NAALADL2: variants seen among roughly 807,000 people sequenced by gnomAD.
NAALADL2 encodes N-acetylated alpha-linked acidic dipeptidase like 2.
Under a neutral mutation model 87.2 loss-of-function variants are expected in NAALADL2, and 76 were observed. The ratio of observed to expected loss-of-function variants is 0.87; its 90% CI spans 0.72 to 1.05. The LOEUF (loss-of-function observed/expected upper bound fraction) is 1.05. NAALADL2 is among the 50% of genes least tolerant of loss of function. The pLI is 0.00. For synonymous variants in NAALADL2, 354 were observed against 331.0 expected, an observed-to-expected ratio of 1.07 and a Z score of -0.75; for missense variants, 1,089 against 945.8, an observed-to-expected ratio of 1.15 and a Z score of -1.99.
At chr3:174,842,562 CATCT>C (rs1724146745) in intron 3 of NAALADL2, among the ~76,000 whole-genome samples, 1 of 152,124 alleles carries the variant, frequency 6.6e-6, no homozygotes, top group Non-Finnish European at 1.5e-5. Flanking sequence ...TAAAAGTATA[CATCT>C]ATGCACACTC....
chr3:175,639,423 C>A lies in NAALADL2; in HGVS notation c.1896+12037C>A, dbSNP rs552622969. Reference sequence around the variant, plus strand: ...GCAAGCTCCACCTCCCGGGTTCACACCATTCTCCTGCCTCAGTCTCCCGAG... The same window carrying A: ...GCAAGCTCCACCTCCCGGGTTCACAACATTCTCCTGCCTCAGTCTCCCGAG... On this transcript the variant is annotated intron_variant, in intron 11 of 13. Transcript: ENST00000454872. Among the ~76,000 whole-genome samples, 3 of 148,574 alleles carry A rather than the reference C, an allele frequency of 2.0e-5. No homozygotes were observed. In the East Asian group the frequency reaches 6.0e-4, roughly 30 times the overall value.
chr3:174,801,840 C>T (rs989482849), intron 3 of NAALADL2, among the ~76,000 whole-genome samples: 4 of 151,702 alleles, frequency 2.6e-5, no homozygotes, highest in Non-Finnish European at 5.9e-5. Flanking sequence ...TTTAATGAGT[C>T]TCTTATCATG....
chr3:175,265,644 A>G (rs1290156607), intron 4 of NAALADL2, among the ~76,000 whole-genome samples: 1 of 151,620 alleles, frequency 6.6e-6, no homozygotes, highest in Non-Finnish European at 1.5e-5. Context: ...TTGGAAGGAA[A>G]CATTATTGGA....
chr3:175,381,990 C>T (rs546502936), intron 5 of NAALADL2, among the ~76,000 whole-genome samples: 7 of 152,268 alleles, frequency 4.6e-5, no homozygotes, highest in East Asian at 3.9e-4. Flanking sequence ...CTCACTTTCC[C>T]TTCTCTGGGA....
At chr3:174,956,709 G>T (rs778545759) in intron 1 of NAALADL2, among the ~76,000 whole-genome samples, 2 of 151,988 alleles carry the variant, frequency 1.3e-5, no homozygotes, top group Non-Finnish European at 2.9e-5. Flanking sequence ...TCTGGAGAAG[G>T]GTGGAATGGG....
At chr3:175,358,046 T>G (rs1447923667) in intron 5 of NAALADL2, among the ~76,000 whole-genome samples, 1 of 152,172 alleles carries the variant, frequency 6.6e-6, no homozygotes, top group Non-Finnish European at 1.5e-5. Context: ...CTCTAAGAAC[T>G]GAAATGCATG....
intron 1 of NAALADL2, among the ~76,000 whole-genome samples, chr3:174,977,643 C>T (rs1744538933): frequency 6.6e-6 from 1 of 152,116 alleles, no homozygotes; most frequent in African/African-American, 2.4e-5. Flanking sequence ...AGGCCTGTTA[C>T]CTGCCCCAGC....
intron 2 of NAALADL2, among the ~76,000 whole-genome samples, chr3:174,587,164 T>C (rs1045710934): frequency 3.3e-5 from 5 of 152,086 alleles, no homozygotes; most frequent in African/African-American, 1.2e-4. Flanking sequence ...GACATGAACT[T>C]ATCCTTTTTT....
chr3:174,892,494 T>C (rs1235071038), intron 1 of NAALADL2, among the ~76,000 whole-genome samples: 1 of 151,664 alleles, frequency 6.6e-6, no homozygotes, highest in East Asian at 1.9e-4. Flanking sequence ...ATCTAGAAAA[T>C]AGCCTCAAAA....
rs191978320 is a variant in NAALADL2 at position 175,148,463 on chromosome 3, T to C, written c.545+51172T>C. Among the ~76,000 whole-genome samples, 522 of 152,286 alleles carry C rather than the reference T, an allele frequency of 3.4e-3. 1 individual carries two copies. Among genetic ancestry groups the C allele is most frequent in the Non-Finnish European group, 4.8e-3 (329 of 68,026 alleles). On this transcript the variant is annotated intron_variant, in intron 2 of 13. Transcript: ENST00000454872. ...AGTTTAATTAGGTCAATTTTCTCAA[T>C]TTTTGTTTTTGATGCAGTTACTTTG...
At chr3:175,774,691 C>T (rs1663042907) in intron 13 of NAALADL2, among the ~76,000 whole-genome samples, 1 of 151,982 alleles carries the variant, frequency 6.6e-6, no homozygotes, top group Non-Finnish European at 1.5e-5. Flanking sequence ...GTGGTAGCCA[C>T]TAGCAATGTG....
intron 11 of NAALADL2, among the ~76,000 whole-genome samples, chr3:175,682,635 T>C (rs2149887024): frequency 6.6e-6 from 1 of 152,158 alleles, no homozygotes; most frequent in South Asian, 2.1e-4. Context: ...AATTTAAAGG[T>C]GACATTTTTG....
In NAALADL2 at chr3:175,808,393, T is replaced by C. The variant is rs1383797337; in HGVS notation, c.*5190T>C. The C allele has an allele frequency of 6.6e-6, 1 of 151,964 alleles. No individual in the cohort carries two copies. The highest frequency in any genetic ancestry group is 2.4e-5 in the African/African-American group (1 of 41,412). The allele number at this position is 151,964 out of a possible 1,614,324, so 9.4% of individuals were successfully genotyped here. On this transcript the variant is annotated 3_prime_UTR_variant, in exon 14 of 14. Coordinates refer to ENST00000454872, the MANE Select transcript of NAALADL2 (RefSeq NM_207015.3). ...TTTTCTGTAACCAAAATGGTAATTT[T>C]GATGGATTTTTTAAATGCCAAAATC...
chr3:175,637,942 T>C (rs553248952), intron 11 of NAALADL2, among the ~76,000 whole-genome samples: 20 of 152,318 alleles, frequency 1.3e-4, no homozygotes, highest in Non-Finnish European at 2.8e-4. Flanking sequence ...AGTTGCCATA[T>C]GTCTCAGTTA....
chr3:174,503,148 T>C (rs1719002364), intron 1 of NAALADL2, among the ~76,000 whole-genome samples: 1 of 152,190 alleles, frequency 6.6e-6, no homozygotes, highest in Non-Finnish European at 1.5e-5. Context: ...TGGCTATGCT[T>C]AGATTTCTGA....
At chr3:174,769,495 A>G (rs1278073865) in intron 3 of NAALADL2, among the ~76,000 whole-genome samples, 1 of 151,832 alleles carries the variant, frequency 6.6e-6, no homozygotes, top group Non-Finnish European at 1.5e-5. Context: ...TTTCCTTACT[A>G]TTACAAATAT....
intron 1 of NAALADL2, among the ~76,000 whole-genome samples, chr3:174,978,269 C>T (rs1744635836): frequency 6.6e-6 from 1 of 152,092 alleles, no homozygotes; most frequent in African/African-American, 2.4e-5. Flanking sequence ...TATTTTCTTT[C>T]TTTCTCTTCA....
intron 11 of NAALADL2, among the ~76,000 whole-genome samples, chr3:175,710,620 A>G (rs1740398678): frequency 6.6e-6 from 1 of 151,484 alleles, no homozygotes; most frequent in Non-Finnish European, 1.5e-5. Flanking sequence ...GCACATATAC[A>G]CATATAGACA....
intron 5 of NAALADL2, among the ~76,000 whole-genome samples, chr3:175,372,841 T>C (rs183403450): frequency 2.6e-5 from 4 of 152,356 alleles, no homozygotes; most frequent in African/African-American, 7.2e-5. Flanking sequence ...TTTCTCTGGC[T>C]AAAAGCAATT....
Sources: gnomAD v4.1 joint callset for allele counts (sites outside exome capture counted in the v4.1 genomes callset) on GRCh38, gnomAD v4.1.1 for gene constraint, MANE v1.5 for transcripts, NCBI Gene and HGNC (gene_info 2026-07-23, HGNC 2026-07-21) for gene names.